Variants in CBARP observed in about 807,000 individuals in gnomAD.
CBARP encodes the protein CACN subunit beta associated regulatory protein.
A neutral mutation model predicts 36.3 loss-of-function variants in CBARP; 24 were observed. The observed-to-expected ratio is 0.66, with a 90% CI of 0.48 to 0.93. The LOEUF is 0.93. Among genes scored for constraint, CBARP ranks in the 40% least tolerant of loss-of-function variants. The pLI is 0.00. For synonymous variants in CBARP, 586 were observed against 453.2 expected, an observed-to-expected ratio of 1.29 and a Z score of -3.72; for missense variants, 1,146 against 980.4, an observed-to-expected ratio of 1.17 and a Z score of -2.26.
At chr19:1,237,272 G>A (rs1285985065) in intron 1 of CBARP, among the ~76,000 whole-genome samples, 1 of 152,234 alleles carries the variant, frequency 6.6e-6, no homozygotes, top group Non-Finnish European at 1.5e-5. Context: ...CCCGGGCCCT[G>A]GTACTGGGGG....
intron 8 of CBARP, among the ~76,000 whole-genome samples, chr19:1,232,791 C>T (rs1001561230): frequency 4.6e-5 from 7 of 152,264 alleles, no homozygotes; most frequent in Non-Finnish European, 1.0e-4. Flanking sequence ...TGACTGCTTC[C>T]TCGCCTCAAC....
rs1314156766 is a variant in CBARP, at chr19:1,229,254, G to T, written c.2043C>A (p.Arg681=). Residue 681 remains arginine, a synonymous_variant, in exon 10 of 10, where the codon CGC becomes CGA. Transcript: ENST00000650044. This position sits in a 1 kb window ranked among gnomAD's most constrained non-coding sequence, Gnocchi z 5.1. ...GAGTCGCCACGACGGGCTCGGCGAG[G>T]CGCGGCGGAAAGAGTCTCTCGTCGA... ...AGLDERLFPP[R]LAEPVVATPA... The T allele has an allele frequency of 1.6e-6, 2 of 1,244,744 alleles. No individual in the cohort carries two copies. The highest frequency in any genetic ancestry group is 3.3e-5 in the African/African-American group (2 of 61,526). 77.1% of individuals were successfully genotyped at this position (1,244,744 alleles called of 1,614,324 possible). A position where few individuals can be genotyped will look rare whatever the true frequency, so the allele number is the denominator to read the frequency against.
intron 9 of CBARP, 131 bp from the exon 10 acceptor site, chr19:1,230,273 G>A (rs1394922836): frequency 4.0e-5 from 40 of 991,966 alleles, no homozygotes; most frequent in Non-Finnish European, 4.6e-5. Flanking sequence ...TGGAAGGTGA[G>A]AGCTTTAAAA....
chr19:1,231,261 GC>G lies in CBARP; in HGVS notation c.993del (p.His332ThrfsTer55), dbSNP rs2080888153. 6.2e-7 allele frequency: 1 copy of G among 1,600,904 alleles called. No homozygotes were observed. Among genetic ancestry groups the G allele is most frequent in the African/African-American group, 1.3e-5 (1 of 74,878 alleles). Reference sequence around the variant, plus strand: ...GCTGCCCGCTGCCGCTGGAAGTGGTGCCGCTTGGGGGAACCTGCGCACGGGA... The same window carrying G: ...GCTGCCCGCTGCCGCTGGAAGTGGTGCGCTTGGGGGAACCTGCGCACGGGA... ...ASLDTRGSPK[R>X]HHFQRQRAAS... is the part of the protein sequence containing the mutation. On this transcript the variant is annotated frameshift_variant, in exon 9 of 10. Transcript: ENST00000650044. LOFTEE classifies it high-confidence loss of function.
At chr19:1,234,483 A>T (rs2080935744) in intron 6 of CBARP, 88 bp downstream of exon 6, 3 of 1,450,348 alleles carry the variant, frequency 2.1e-6, no homozygotes, top group Non-Finnish European at 1.8e-6. Flanking sequence ...CCACCCAGAA[A>T]AAGAGTGGGT....
chr19:1,228,500 T>G lies in CBARP; in HGVS notation c.*679A>C. On this transcript the variant is annotated 3_prime_UTR_variant, in exon 10 of 10. Transcript: ENST00000650044. ...GGCAGCGGGGCGGGCGCCGTTGACA[T>G]GCGGAGGGCAGTGGGGACTCGGGGC... 5.3e-6 allele frequency: 1 copy of G among 189,890 alleles called. No individual in the cohort carries two copies. The highest frequency in any genetic ancestry group is 1.1e-5 in the Non-Finnish European group (1 of 90,572). The allele number at this position is 189,890 out of a possible 1,614,324, so 11.8% of individuals were successfully genotyped here. A position where few individuals can be genotyped will look rare whatever the true frequency, so the allele number is the denominator to read the frequency against.
rs1358190819 is a variant in CBARP at position 1,229,119 on chromosome 19, C to G, written c.*60G>C. On this transcript the variant is annotated 3_prime_UTR_variant, in exon 10 of 10. Transcript: ENST00000650044. The surrounding 1 kb of genome is among the most constrained non-coding windows in gnomAD (Gnocchi z 5.1). ...CGTCGCGCCCCCACGTCTCTCCCGC[C>G]GCCGAGGCCCCGTGCGGCGCCGGAG... 1 of 711,740 alleles carries G rather than the reference C, an allele frequency of 1.4e-6. No homozygotes were observed. The allele number at this position is 711,740 out of a possible 1,614,324, so 44.1% of individuals were successfully genotyped here.
At chr19:1,234,902 G>A in intron 5 of CBARP, 99 bp downstream of exon 5, 3 of 1,510,850 alleles carry the variant, frequency 2.0e-6, no homozygotes, top group Non-Finnish European at 2.7e-6. Flanking sequence ...AGGAGCCTCT[G>A]CCTTGGTCCC....
intron 5 of CBARP, 88 bp from the exon 6 acceptor site, chr19:1,234,830 G>A (rs760058045): frequency 2.0e-6 from 3 of 1,529,868 alleles, no homozygotes; most frequent in Non-Finnish European, 2.6e-6. Flanking sequence ...CTGCCGGCCT[G>A]GGCAGGGGCA....
In CBARP at chr19:1,231,156, C is replaced by T. The variant is rs766244135; in HGVS notation, c.1099G>A (p.Val367Met). Residue 367 changes from valine to methionine, a missense_variant, in exon 9 of 10, where the codon GTG becomes ATG. Val to Met is a conservative substitution (Grantham distance 21). Transcript: ENST00000650044. Reference protein sequence around the residue: ...IQYIARAGDAVAFPHPRPFLA... With the variant: ...IQYIARAGDAMAFPHPRPFLA... ...AAGGGGCGGGGGTGCGGGAAGGCCA[C>T]GGCGTCGCCCGCCCGGGCAATGTAC... The T allele has an allele frequency of 1.7e-5, 28 of 1,600,278 alleles. No homozygotes were observed. In the African/African-American group the frequency reaches 2.7e-4, roughly 15 times the overall value.
chr19:1,235,507 C>T lies in CBARP; in HGVS notation c.304G>A (p.Ala102Thr), dbSNP rs751601671. ...AGGCTGGCCAGCACCTCACCTTGGG[C>T]TGGGTGGGTGCCGTTGTCCAGGTAG... is the stretch of plus-strand genomic sequence containing the variant. ...TTYLDNGTHP[A>T]QDPDFRGEDP... Residue 102 changes from alanine to threonine, a missense_variant, in exon 4 of 10, where the codon GCC becomes ACC. Coordinates refer to ENST00000650044, the MANE Select transcript of CBARP (RefSeq NM_001393918.1). 83 of 1,595,350 alleles carry T rather than the reference C, an allele frequency of 5.2e-5. No homozygotes were observed. In the Admixed American group the frequency reaches 1.4e-3, roughly 28 times the overall value.
At chr19:1,230,284 T>C (rs1167401129) in intron 9 of CBARP, 142 bp from the exon 10 acceptor site, 21 of 990,968 alleles carry the variant, frequency 2.1e-5, no homozygotes, top group Non-Finnish European at 2.4e-5. Context: ...AGCTTTAAAA[T>C]GAGCCAGTGT....
rs1225027547 is a variant in CBARP at position 1,228,482 on chromosome 19, G to C, written c.*697C>G. ...TCTCAACGTGGATGGGGCGGCAGCG[G>C]GGCGGGCGCCGTTGACATGCGGAGG... is the stretch of plus-strand genomic sequence containing the variant. On this transcript the variant is annotated 3_prime_UTR_variant, in exon 10 of 10. Transcript: ENST00000650044. 5.0e-6 allele frequency: 1 copy of C among 201,314 alleles called. No homozygotes were observed. The highest frequency in any genetic ancestry group is 1.0e-5 in the Non-Finnish European group (1 of 97,520). 12.5% of individuals were successfully genotyped at this position (201,314 alleles called of 1,614,324 possible). A position where few individuals can be genotyped will look rare whatever the true frequency, so the allele number is the denominator to read the frequency against.
chr19:1,234,400 G>A, intron 6 of CBARP, 69 bp from the exon 7 acceptor site: 2 of 1,434,480 alleles, frequency 1.4e-6, no homozygotes, highest in South Asian at 1.5e-5. Context: ...TGAGGGACAT[G>A]GGCAGGTGAG....
In CBARP at chr19:1,229,609, G is replaced by T; in HGVS notation, c.1688C>A (p.Thr563Lys). ...GGCGCGGTGTCGCGCGGCAGCCGGC[G>T]TGTCGTCGAAGTGCGGGTCGTGGCG... ...FLRHDPHFDD[T>K]PAAARHRARA... Residue 563 changes from threonine to lysine, a missense_variant, in exon 10 of 10, where the codon ACG (threonine) becomes AAG (lysine). Transcript: ENST00000650044. The surrounding 1 kb of genome is among the most constrained non-coding windows in gnomAD (Gnocchi z 5.1). 8.3e-7 allele frequency: 1 copy of T among 1,200,238 alleles called. No homozygotes were observed. The allele number at this position is 1,200,238 out of a possible 1,614,324, so 74.3% of individuals were successfully genotyped here.
chr19:1,236,664 C>T (rs905776613), intron 1 of CBARP, among the ~76,000 whole-genome samples: 6 of 151,926 alleles, frequency 3.9e-5, no homozygotes, highest in Non-Finnish European at 8.8e-5. Context: ...GCGCGTGCTC[C>T]CGGGTCACGA....
intron 8 of CBARP, among the ~76,000 whole-genome samples, chr19:1,231,742 C>T (rs890363562): frequency 6.6e-5 from 10 of 151,836 alleles, no homozygotes; most frequent in Admixed American, 1.3e-4. Flanking sequence ...GGCATCTCCC[C>T]GGGTCAGGTG....
chr19:1,236,140 G>C lies in CBARP; in HGVS notation c.-21-19C>G. On this transcript the variant is annotated intron_variant, in intron 1 of 9. Transcript: ENST00000650044. ...GAGGGCCCTGTGGGGAGGAAGCCTG[G>C]TCAGCTCCAGCTAGACCTACTTCTC... 7.1e-7 allele frequency: 1 copy of C among 1,406,674 alleles called. No homozygotes were observed. The highest frequency in any genetic ancestry group is 9.2e-7 in the Non-Finnish European group (1 of 1,084,642). 87.1% of individuals were successfully genotyped at this position (1,406,674 alleles called of 1,614,324 possible). A position where few individuals can be genotyped will look rare whatever the true frequency, so the allele number is the denominator to read the frequency against.
At chr19:1,233,769 G>C (rs1223917300) in intron 7 of CBARP, 133 bp from the exon 8 acceptor site, 17 of 891,100 alleles carry the variant, frequency 1.9e-5, no homozygotes, top group Non-Finnish European at 2.7e-5. Flanking sequence ...TACCTGCTCG[G>C]AGAGGGGCAG....
Sources: allele counts gnomAD v4.1 joint callset (sites outside exome capture counted in the v4.1 genomes callset), GRCh38; gene constraint gnomAD v4.1.1; non-coding constraint Gnocchi (gnomAD v3.1); transcripts MANE v1.5; gene names NCBI Gene and HGNC (gene_info 2026-07-23, HGNC 2026-07-21).